Variants in EIF2AK4 observed in about 807,000 individuals in gnomAD.
The protein encoded by EIF2AK4 is eIF-2-alpha kinase GCN2.
A neutral mutation model predicts 211.1 loss-of-function variants in EIF2AK4; 139 were observed. The ratio of observed to expected loss-of-function variants is 0.66; its 90% CI spans 0.57 to 0.76. The LOEUF is 0.76. EIF2AK4 is among the 30% of genes least tolerant of loss of function. The probability of loss-of-function intolerance (pLI) is 0.00; values close to 1 mark genes in which losing one functional copy is unlikely to be tolerated. For synonymous variants in EIF2AK4, 710 were observed against 751.3 expected, an observed-to-expected ratio of 0.94 and a Z score of 0.90; for missense variants, 1,664 against 2,043.8, an observed-to-expected ratio of 0.81 and a Z score of 3.58.
chr15:40,002,386 G>A (rs536017481), intron 21 of EIF2AK4: 22 of 229,602 alleles, frequency 9.6e-5, no homozygotes, highest in South Asian at 2.8e-4. Flanking sequence ...GGTGGTCATC[G>A]CGCCACAGTA....
Position 39,967,426 on chromosome 15 carries a change from A to T in EIF2AK4, c.1100A>T (p.Lys367Ile). 6.2e-7 allele frequency: 1 copy of T among 1,614,094 alleles called. No homozygotes were observed. Among genetic ancestry groups the T allele is most frequent in the African/African-American group, 1.3e-5 (1 of 75,014 alleles). Residue 367 changes from lysine to isoleucine, a missense_variant, in exon 9 of 39, where the codon AAA (lysine) becomes ATA (isoleucine). Around this residue, in one of 7 missense-constraint regions of EIF2AK4, gnomAD observed 641 missense variants for 729.6 expected, o/e 0.88. Coordinates refer to ENST00000263791, the MANE Select transcript of EIF2AK4 (RefSeq NM_001013703.4). Reference protein sequence around the residue: ...NVVRYLAMNLKEQDDSIVVDI... With the variant: ...NVVRYLAMNLIEQDDSIVVDI... The stretch of plus-strand genomic sequence containing the variant: ...GTACGCTACCTTGCAATGAATCTCA[A>T]AGAGCAAGACGACTCCATCGTGGTG...
At chr15:39,962,368 AT>A (rs1392302100) in intron 7 of EIF2AK4, among the ~76,000 whole-genome samples, 3 of 152,264 alleles carry the variant, frequency 2.0e-5, no homozygotes, top group Non-Finnish European at 4.4e-5. Context: ...AAACAAAAAA[AT>A]GATTAAAATA....
intron 4 of EIF2AK4, among the ~76,000 whole-genome samples, chr15:39,949,967 A>T (rs1006499515): frequency 1.3e-4 from 20 of 152,002 alleles, no homozygotes; most frequent in Admixed American, 6.5e-5. Flanking sequence ...TTTAAATCAA[A>T]GATAATATAT....
intron 21 of EIF2AK4, among the ~76,000 whole-genome samples, chr15:40,001,685 A>T (rs368984198): frequency 3.0e-4 from 45 of 150,852 alleles, no homozygotes; most frequent in African/African-American, 1.0e-3. Flanking sequence ...TCCCTAGCCC[A>T]AACGCCCAGA....
intron 13 of EIF2AK4, 143 bp from the exon 14 acceptor site, chr15:39,985,662 G>A (rs2034854479): frequency 6.2e-6 from 4 of 646,436 alleles, no homozygotes; most frequent in Admixed American, 2.6e-5. Context: ...TCTAAGGATA[G>A]TGGTTATGTT....
intron 32 of EIF2AK4, among the ~76,000 whole-genome samples, chr15:40,024,810 C>A (rs1472273505): frequency 6.7e-6 from 1 of 148,814 alleles, no homozygotes; most frequent in Non-Finnish European, 1.5e-5. Flanking sequence ...CTTACTGGAA[C>A]CTGTCTCCCA....
chr15:40,001,261 C>T (rs74875912), intron 21 of EIF2AK4, 37 bp downstream of exon 21: 4 of 1,594,256 alleles, frequency 2.5e-6, no homozygotes, highest in East Asian at 4.5e-5. Context: ...GGAGCTTCAC[C>T]TTGTCCACAA....
intron 9 of EIF2AK4, among the ~76,000 whole-genome samples, 176 bp downstream of exon 9, chr15:39,968,055 G>A (rs1378594476): frequency 6.6e-6 from 1 of 152,196 alleles, no homozygotes; most frequent in East Asian, 1.9e-4. Flanking sequence ...GTAGGTTGGT[G>A]ATTCTCTTAA....
At chr15:39,971,774 A>C (rs968138582) in intron 9 of EIF2AK4, among the ~76,000 whole-genome samples, 1 of 152,196 alleles carries the variant, frequency 6.6e-6, no homozygotes, top group Admixed American at 6.5e-5. Flanking sequence ...CAGTTTAACT[A>C]CTTAGACTTT....
In EIF2AK4 at chr15:40,004,852, A is replaced by G. The variant is rs117400297; in HGVS notation, c.3357+1538A>G. Among the ~76,000 whole-genome samples the G allele has an allele frequency of 2.1e-3, 324 of 152,372 alleles. 3 individuals carry two copies. Among genetic ancestry groups the G allele is most frequent in the Admixed American group, 0.016 (243 of 15,308 alleles). On this transcript the variant is annotated intron_variant, in intron 23 of 38. Transcript: ENST00000263791. ...ATTACAGGCATGAGCCGCCATGCCC[A>G]GCCAATCTATATTTTTATATAGATC...
chr15:39,965,177 A>G (rs879309194), intron 7 of EIF2AK4, among the ~76,000 whole-genome samples: 7 of 152,124 alleles, frequency 4.6e-5, no homozygotes, highest in Non-Finnish European at 7.3e-5. Flanking sequence ...GCTGGAGTGC[A>G]ATGGTGCGTT....
At chr15:40,010,440 TATTC>T (rs1339925667) in intron 26 of EIF2AK4, among the ~76,000 whole-genome samples, 1 of 152,218 alleles carries the variant, frequency 6.6e-6, no homozygotes, top group African/African-American at 2.4e-5. Context: ...CACATCATAG[TATTC>T]ATTACTTTAT....
intron 5 of EIF2AK4, among the ~76,000 whole-genome samples, chr15:39,954,781 T>G (rs1354219849): frequency 1.3e-5 from 2 of 152,136 alleles, no homozygotes; most frequent in Non-Finnish European, 2.9e-5. Context: ...CAGAGAAAAT[T>G]TTACTCATTC....
chr15:40,007,059 TA>T lies in EIF2AK4; in HGVS notation c.3405del (p.Lys1135AsnfsTer5). The part of the protein sequence containing the change: ...RYVARNNILN[L>X]KRYCIERVFR... ...GTGGCAAGAAATAATATATTGAATT[TA>T]AAACGGTAAGAAACAATAGGAGATT... On this transcript the variant is annotated frameshift_variant, in exon 24 of 39. Transcript: ENST00000263791. LOFTEE classifies it high-confidence loss of function. The T allele has an allele frequency of 6.3e-7, 1 of 1,593,082 alleles. No individual in the cohort carries two copies. Among genetic ancestry groups the T allele is most frequent in the Non-Finnish European group, 8.6e-7 (1 of 1,162,704 alleles).
chr15:40,013,414 C>T (rs73390620), intron 27 of EIF2AK4, among the ~76,000 whole-genome samples: 16,933 of 152,122 alleles, frequency 0.11, 1,774 homozygotes, highest in East Asian at 0.28. Context: ...AAGATATATC[C>T]GAGAGTGGGT....
At chr15:39,939,199 AC>A (rs924632458) in intron 1 of EIF2AK4, among the ~76,000 whole-genome samples, 11 of 152,128 alleles carry the variant, frequency 7.2e-5, no homozygotes, top group African/African-American at 2.7e-4. Context: ...GTCTAAATTT[AC>A]CCCTGCACTC....
At chr15:40,031,227 A>C (rs1205651500) in intron 35 of EIF2AK4, among the ~76,000 whole-genome samples, 1 of 152,206 alleles carries the variant, frequency 6.6e-6, no homozygotes, top group Non-Finnish European at 1.5e-5. Flanking sequence ...GCAACAGAGC[A>C]AGACTTTGTC....
chr15:40,002,833 T>G (rs746826439), intron 22 of EIF2AK4, 45 bp downstream of exon 22: 2 of 1,598,122 alleles, frequency 1.3e-6, no homozygotes, highest in South Asian at 2.2e-5. Flanking sequence ...TCATAAGACT[T>G]TTTTCATCAT....
chr15:40,005,898 T>C (rs959466266), intron 23 of EIF2AK4, among the ~76,000 whole-genome samples: 2 of 151,960 alleles, frequency 1.3e-5, no homozygotes, highest in Admixed American at 6.5e-5. Flanking sequence ...TGTGTAGATA[T>C]ATATATTTGG....
Sources: allele counts gnomAD v4.1 joint callset (sites outside exome capture counted in the v4.1 genomes callset), GRCh38; gene constraint gnomAD v4.1.1; regional missense constraint gnomAD v4.1.1; transcripts MANE v1.5; gene names NCBI Gene and HGNC (gene_info 2026-07-23, HGNC 2026-07-21).